WDR44: variants seen among roughly 807,000 people sequenced by gnomAD.
WDR44 encodes the protein WD repeat domain 44, also known as WD repeat-containing protein 44.
A neutral mutation model predicts 65.7 loss-of-function variants in WDR44; 9 were observed. That is an observed-to-expected ratio of 0.14 (90% confidence interval 0.08 to 0.24). The LOEUF (loss-of-function observed/expected upper bound fraction) is 0.24, where lower values mean the gene tolerates loss of function less well. Ranked by LOEUF, WDR44 falls within the 10% of genes least tolerant of loss-of-function variation. The pLI, the probability that WDR44 is intolerant of heterozygous loss-of-function variation, is 1.00. For synonymous variants in WDR44, 220 were observed against 235.2 expected, an observed-to-expected ratio of 0.94 and a Z score of 0.59; for missense variants, 425 against 670.9, an observed-to-expected ratio of 0.63 and a Z score of 4.05.
intron 1 of WDR44, among the ~76,000 whole-genome samples, chrX:118,363,094 A>T (rs2056524355): frequency 9.2e-6 from 1 of 108,399 alleles, no homozygotes. Flanking sequence ...TTGAAAATGC[A>T]TCAATGCTCA....
chrX:118,431,954 C>A (rs2057215631), intron 12 of WDR44, among the ~76,000 whole-genome samples: 1 of 111,432 alleles, frequency 9.0e-6, no homozygotes. Context: ...ACTGTTAATA[C>A]CTACCTCAAA....
At chrX:118,398,954 C>T (rs1353949455) in intron 8 of WDR44, among the ~76,000 whole-genome samples, 2 of 111,727 alleles carry the variant, frequency 1.8e-5, no homozygotes, top group African/African-American at 6.5e-5. Context: ...CAGAAAATGA[C>T]CAGTAAGTGT....
intron 12 of WDR44, among the ~76,000 whole-genome samples, chrX:118,419,656 C>T (rs1003205076): frequency 1.8e-5 from 2 of 111,914 alleles, no homozygotes; most frequent in African/African-American, 6.5e-5. Flanking sequence ...CCGCATGCTG[C>T]TCTGTCCATC....
At chrX:118,381,483 T>C (rs994359110) in intron 2 of WDR44, among the ~76,000 whole-genome samples, 14 of 110,889 alleles carry the variant, frequency 1.3e-4, no homozygotes, top group Non-Finnish European at 2.5e-4. Context: ...TAAAAAAAAA[T>C]TTAGAAAAGA....
intron 8 of WDR44, among the ~76,000 whole-genome samples, chrX:118,400,982 CTA>C: frequency 1.2e-5 from 1 of 84,589 alleles, no homozygotes; most frequent in Middle Eastern, 5.5e-3. Flanking sequence ...ATCCATGTCC[CTA>C]CAAAGGACAT....
chrX:118,415,664 C>T (rs1342287482), intron 12 of WDR44, among the ~76,000 whole-genome samples: 5 of 110,920 alleles, frequency 4.5e-5, no homozygotes, highest in African/African-American at 9.9e-5. Context: ...CCACCATGCC[C>T]GGCTAGTTTT....
At chrX:118,373,443 ATC>A (rs1203336953) in intron 1 of WDR44, among the ~76,000 whole-genome samples, 1 of 111,701 alleles carries the variant, frequency 9.0e-6, no homozygotes, top group African/African-American at 3.3e-5. Context: ...CAAAAGCTTC[ATC>A]TCTCTGGAAA....
intron 8 of WDR44, 103 bp downstream of exon 8, chrX:118,398,573 T>A: frequency 1.5e-6 from 1 of 647,786 alleles, no homozygotes; most frequent in South Asian, 3.0e-5. Context: ...TTTTTATGTC[T>A]ACCCACCACC....
chrX:118,348,234 T>C (rs1370955909), intron 1 of WDR44, among the ~76,000 whole-genome samples: 3 of 112,280 alleles, frequency 2.7e-5, no homozygotes, highest in African/African-American at 9.7e-5. Context: ...GTTCATGCTT[T>C]TCTCCTTCCT....
chrX:118,427,143 G>A (rs2057164246), intron 12 of WDR44, among the ~76,000 whole-genome samples: 1 of 111,012 alleles, frequency 9.0e-6, no homozygotes, highest in Non-Finnish European at 1.9e-5. Context: ...GTCTCCCTCT[G>A]TCACCCATGC....
At chrX:118,413,654 A>C (rs2057030186) in intron 12 of WDR44, among the ~76,000 whole-genome samples, 1 of 111,842 alleles carries the variant, frequency 8.9e-6, no homozygotes. Context: ...TACTCTGCTG[A>C]CTGTTCCTTT....
chrX:118,424,339 A>ATATATATG (rs1556124708), intron 12 of WDR44, among the ~76,000 whole-genome samples: 13 of 85,284 alleles, frequency 1.5e-4, no homozygotes, highest in African/African-American at 7.8e-4. Flanking sequence ...ATATATATAT[A>ATATATATG]TATATATATG....
intron 12 of WDR44, among the ~76,000 whole-genome samples, chrX:118,431,599 C>T (rs889720647): frequency 8.9e-6 from 1 of 111,958 alleles, no homozygotes; most frequent in Non-Finnish European, 1.9e-5. Flanking sequence ...CACCGTGCCT[C>T]GCCAAGGCCT....
At chrX:118,414,546 A>G (rs925611579) in intron 12 of WDR44, among the ~76,000 whole-genome samples, 4 of 111,487 alleles carry the variant, frequency 3.6e-5, no homozygotes, top group African/African-American at 1.3e-4. Flanking sequence ...TGTGTCGTCC[A>G]TGATTTCTTT....
intron 9 of WDR44, 69 bp downstream of exon 9, chrX:118,404,513 T>A (rs1376789186): frequency 9.7e-6 from 8 of 821,552 alleles, no homozygotes; most frequent in Non-Finnish European, 1.4e-5. Flanking sequence ...TAGCCTGTAG[T>A]TTGTAAGAAG....
At chrX:118,368,483 T>TATATATATATATATATATATATATATATC (rs1569359132) in intron 1 of WDR44, among the ~76,000 whole-genome samples, 9 of 87,659 alleles carry the variant, frequency 1.0e-4, no homozygotes, top group African/African-American at 3.0e-4. Flanking sequence ...ATATATATAC[T>TATATATATATATATATATATATATATATC]TCTTGAGGAC....
At position 118,429,588 on chromosome X, in the gene WDR44, CA is replaced by C. The variant is rs200067120; in HGVS notation, c.1738-3178del. On this transcript the variant is annotated intron_variant, in intron 12 of 19. Coordinates refer to ENST00000254029, the MANE Select transcript of WDR44 (RefSeq NM_019045.5). Reference sequence around the variant, plus strand: ...TGGGTGACAGAGCAAGACTCAGTCTCAAAAAAAAAAAAAAAGATAAGGAAAT... The same window carrying C: ...TGGGTGACAGAGCAAGACTCAGTCTCAAAAAAAAAAAAAAGATAAGGAAAT... Among the ~76,000 whole-genome samples the C allele has an allele frequency of 4.1e-3, 284 of 68,739 alleles. 2 individuals carry two copies. The highest frequency in any genetic ancestry group is 0.011 in the African/African-American group (216 of 20,341). 59.7% of individuals were successfully genotyped at this position (68,739 alleles called of 115,157 possible).
chrX:118,364,840 A>G (rs1258069848), intron 1 of WDR44, among the ~76,000 whole-genome samples: 2 of 112,316 alleles, frequency 1.8e-5, no homozygotes, highest in Non-Finnish European at 3.8e-5. Context: ...TGTTACTGAG[A>G]TTGTTAGGTT....
rs750442699 is a variant in WDR44, at chrX:118,410,888, T to A, written c.1673-7T>A. Reference sequence around the variant, plus strand: ...TGCCTTTTTTACAATTATTATGTTGTTTTTAGGACGTGTGTCCCCATCACC... The same window carrying A: ...TGCCTTTTTTACAATTATTATGTTGATTTTAGGACGTGTGTCCCCATCACC... On this transcript the variant is annotated splice_region_variant and splice_polypyrimidine_tract_variant and intron_variant, in intron 11 of 19. Coordinates refer to ENST00000254029, the MANE Select transcript of WDR44 (RefSeq NM_019045.5). 3.3e-6 allele frequency: 4 copies of A among 1,198,046 alleles called. No homozygotes were observed. Among genetic ancestry groups the A allele is most frequent in the Middle Eastern group, 2.3e-4 (1 of 4,327 alleles).
Sources: gnomAD v4.1 joint callset for allele counts (sites outside exome capture counted in the v4.1 genomes callset) on GRCh38, gnomAD v4.1.1 for gene constraint, MANE v1.5 for transcripts, NCBI Gene and HGNC (gene_info 2026-07-23, HGNC 2026-07-21) for gene names.